Variants in RASSF3 observed in about 807,000 individuals in gnomAD.
RASSF3 encodes the protein Ras association domain family member 3.
In RASSF3, 19 loss-of-function variants were observed where a neutral mutation model predicts 19.9. That is an observed-to-expected ratio of 0.96 (90% CI 0.67 to 1.40). The LOEUF is 1.40. Ranked by LOEUF, RASSF3 falls within the 40% of genes most tolerant of loss-of-function variation. RASSF3 has a pLI of 0.00. For missense variants in RASSF3, 306 were observed against 289.8 expected, an observed-to-expected ratio of 1.06 and a Z score of -0.41; for synonymous variants, 110 against 104.2, an observed-to-expected ratio of 1.06 and a Z score of -0.34.
At chr12:64,579,629 G>A (rs971199655) in intron 2 of RASSF3, among the ~76,000 whole-genome samples, 8 of 152,044 alleles carry the variant, frequency 5.3e-5, no homozygotes, top group Admixed American at 1.3e-4. Flanking sequence ...GGGATTACAG[G>A]CGTGAGCCAC....
At chr12:64,578,073 G>T (rs1488727399) in intron 2 of RASSF3, among the ~76,000 whole-genome samples, 1 of 151,336 alleles carries the variant, frequency 6.6e-6, no homozygotes, top group East Asian at 2.0e-4. Context: ...ACAAAAATTA[G>T]CTGGGCATGG....
At chr12:64,688,048 C>T (rs1028690391) in intron 2 of RASSF3, among the ~76,000 whole-genome samples, 168 bp from the exon 3 acceptor site, 1 of 152,154 alleles carries the variant, frequency 6.6e-6, no homozygotes, top group East Asian at 1.9e-4. Context: ...GTGTGTTAAC[C>T]GCCCTCTGAG....
chr12:64,607,344 C>G (rs886781331), upstream of RASSF3, among the ~76,000 whole-genome samples: 1 of 143,458 alleles, frequency 7.0e-6, no homozygotes, highest in African/African-American at 2.7e-5. Context: ...AACAAAATCA[C>G]AATTCTTCCT....
chr12:64,627,596 C>T lies in RASSF3; in HGVS notation c.111+16853C>T, dbSNP rs76871479. Among the ~76,000 whole-genome samples, 120 of 152,246 alleles carry T rather than the reference C, an allele frequency of 7.9e-4. 2 individuals carry two copies. In the East Asian group the frequency reaches 0.021, roughly 27 times the overall value. On this transcript the variant is annotated intron_variant, in intron 1 of 4. Coordinates refer to ENST00000542104, the MANE Select transcript of RASSF3 (RefSeq NM_178169.4). ...CCCAATTATATTTGTTAATTGACCACCTGGTTTTCATCTGATCAGACTTGT... is the reference window on the plus strand; with the variant it reads ...CCCAATTATATTTGTTAATTGACCATCTGGTTTTCATCTGATCAGACTTGT...
At chr12:64,554,438 G>A (rs976271982) in intron 2 of RASSF3, among the ~76,000 whole-genome samples, 3 of 152,162 alleles carry the variant, frequency 2.0e-5, no homozygotes, top group Admixed American at 2.0e-4. Flanking sequence ...CTGAGTAGCT[G>A]GGATCATAAG....
intron 1 of RASSF3, among the ~76,000 whole-genome samples, chr12:64,644,583 G>C (rs1871664232): frequency 6.6e-6 from 1 of 152,026 alleles, no homozygotes; most frequent in African/African-American, 2.4e-5. Context: ...TGTAGTTCCA[G>C]CTACCCGGGA....
Position 64,694,978 on chromosome 12 carries a change from CTT to C in RASSF3, c.*67_*68del. ...GTACAAAACAGCAGCAAGTGCCTCT[CTT>C]CTCAGAGGGCTGCTGTCTTGCCCCA... On this transcript the variant is annotated 3_prime_UTR_variant, in exon 5 of 5. Transcript: ENST00000542104. 6.5e-7 allele frequency: 1 copy of C among 1,540,434 alleles called. No homozygotes were observed. The highest frequency in any genetic ancestry group is 8.9e-7 in the Non-Finnish European group (1 of 1,126,514).
rs1169488536 is a variant in RASSF3, at chr12:64,697,003, G to A, written c.*2091G>A. 6.8e-6 allele frequency: 1 copy of A among 147,830 alleles called. No individual in the cohort carries two copies. The highest frequency in any genetic ancestry group is 2.5e-5 in the African/African-American group (1 of 40,176). 9.2% of individuals were successfully genotyped at this position (147,830 alleles called of 1,614,324 possible). ...TAAACTTATATTTTGTGAAGCATTT[G>A]TTTCTCAGATTAAGACACTGTTAGA... is the stretch of plus-strand genomic sequence containing the variant. On this transcript the variant is annotated 3_prime_UTR_variant, in exon 5 of 5. Coordinates refer to ENST00000542104, the MANE Select transcript of RASSF3 (RefSeq NM_178169.4).
chr12:64,564,822 C>G lies in RASSF3; in HGVS notation c.294+23117C>G, dbSNP rs370417742. The stretch of plus-strand genomic sequence containing the variant: ...TTGAGAGGGAGTCTCGCTCTGTTGC[C>G]CAGGCTGGAGTGCAATGGTGCAATC... On this transcript the variant is annotated intron_variant, in intron 2 of 5. Transcript: ENST00000637125. Among the ~76,000 whole-genome samples the G allele has an allele frequency of 7.9e-5, 12 of 151,326 alleles. No individual in the cohort carries two copies. The South Asian group carries it at 2.5e-3, about 32-fold the overall frequency.
intron 2 of RASSF3, among the ~76,000 whole-genome samples, chr12:64,590,033 C>T (rs1592410337): frequency 6.9e-6 from 1 of 145,638 alleles, no homozygotes; most frequent in East Asian, 2.0e-4. Flanking sequence ...GAGTCTGAGA[C>T]CAGCATGAGC....
At chr12:64,521,660 G>A (rs17823286) in intron 1 of RASSF3, among the ~76,000 whole-genome samples, 15,302 of 152,094 alleles carry the variant, frequency 0.1, 859 homozygotes, top group East Asian at 0.19. Flanking sequence ...CGTCTATGTC[G>A]CTGTTTTCCA....
intron 1 of RASSF3, among the ~76,000 whole-genome samples, chr12:64,682,685 G>A (rs1019013292): frequency 2.0e-5 from 3 of 151,878 alleles, no homozygotes; most frequent in African/African-American, 7.3e-5. Flanking sequence ...TACTCTACGT[G>A]GTATTGACGC....
At chr12:64,568,663 C>T (rs1410329567) in intron 2 of RASSF3, among the ~76,000 whole-genome samples, 1 of 152,018 alleles carries the variant, frequency 6.6e-6, no homozygotes, top group East Asian at 1.9e-4. Flanking sequence ...ATCTTCTTCT[C>T]ATTCACCCAC....
At chr12:64,688,505 T>C in intron 3 of RASSF3, 52 bp downstream of exon 3, 2 of 1,291,816 alleles carry the variant, frequency 1.5e-6, no homozygotes, top group South Asian at 2.4e-5. Context: ...TTGCATCTGC[T>C]GTTCTCATTA....
chr12:64,620,825 G>A (rs10128936), intron 1 of RASSF3, among the ~76,000 whole-genome samples: 27,451 of 151,840 alleles, frequency 0.18, 2,758 homozygotes, highest in South Asian at 0.25. Context: ...CTATTTTTAA[G>A]TTTCATTACA....
intron 3 of RASSF3, among the ~76,000 whole-genome samples, chr12:64,689,098 A>G (rs1004356226): frequency 2.0e-5 from 3 of 152,224 alleles, no homozygotes; most frequent in Non-Finnish European, 2.9e-5. Flanking sequence ...GAAAGAGAAC[A>G]TTAAATATTA....
intron 1 of RASSF3, among the ~76,000 whole-genome samples, chr12:64,633,259 G>A (rs1005372744): frequency 7.9e-5 from 12 of 152,174 alleles, no homozygotes; most frequent in African/African-American, 1.2e-4. Context: ...ATACTGATAC[G>A]GTTTGGATGT....
At chr12:64,532,865 T>C (rs190001302), upstream of RASSF3, among the ~76,000 whole-genome samples, 906 of 152,166 alleles carry the variant, frequency 6.0e-3, 3 homozygotes, top group South Asian at 9.3e-3. Flanking sequence ...CTCAGTGAGA[T>C]GGGAACTATT....
At chr12:64,641,404 A>ACACACACACAGGCGCG (rs1871515086) in intron 1 of RASSF3, among the ~76,000 whole-genome samples, 1 of 140,028 alleles carries the variant, frequency 7.1e-6, no homozygotes, top group South Asian at 2.2e-4. Context: ...TCACAGGCGC[A>ACACACACACAGGCGCG]CACACACACA....
Sources: allele counts gnomAD v4.1 joint callset (sites outside exome capture counted in the v4.1 genomes callset), GRCh38; gene constraint gnomAD v4.1.1; transcripts MANE v1.5; gene names NCBI Gene and HGNC (gene_info 2026-07-23, HGNC 2026-07-21).